The following PAPPA2 variants were observed in gnomAD, a reference collection of about 807,000 sequenced individuals.
PAPPA2 encodes pappalysin-2.
Under a neutral mutation model 176.4 loss-of-function variants are expected in PAPPA2, and 86 were observed. The observed-to-expected ratio is 0.49, with a 90% CI of 0.41 to 0.58. The LOEUF (loss-of-function observed/expected upper bound fraction) is 0.58, where lower values mean the gene tolerates loss of function less well. Among genes scored for constraint, PAPPA2 ranks in the 20% least tolerant of loss-of-function variants. The pLI is 0.00. For missense variants in PAPPA2, 2,073 were observed against 2,256.9 expected, an observed-to-expected ratio of 0.92 and a Z score of 1.65; for synonymous variants, 809 against 852.2, an observed-to-expected ratio of 0.95 and a Z score of 0.88.
chr1:176,610,194 T>G (rs1298985460), intron 3 of PAPPA2, among the ~76,000 whole-genome samples: 1 of 152,128 alleles, frequency 6.6e-6, no homozygotes, highest in African/African-American at 2.4e-5. Flanking sequence ...TGTTCAGGAA[T>G]GGCTATGTCT....
intron 17 of PAPPA2, among the ~76,000 whole-genome samples, chr1:176,786,077 G>A (rs1433235541): frequency 6.6e-6 from 1 of 152,156 alleles, no homozygotes; most frequent in African/African-American, 2.4e-5. Flanking sequence ...ATCTGTGGGA[G>A]GTGGTAGAAA....
intron 4 of PAPPA2, among the ~76,000 whole-genome samples, chr1:176,684,289 C>T (rs1291875318): frequency 6.6e-6 from 1 of 152,116 alleles, no homozygotes; most frequent in Non-Finnish European, 1.5e-5. Flanking sequence ...CATCCTTTTA[C>T]ACTAGTACTT....
chr1:176,467,302 G>A (rs1651670204), intron 1 of PAPPA2, among the ~76,000 whole-genome samples: 1 of 152,176 alleles, frequency 6.6e-6, no homozygotes, highest in Non-Finnish European at 1.5e-5. Context: ...ACGTTATGTG[G>A]CACATGATTG....
At chr1:176,496,252 T>C (rs1222489656) in intron 1 of PAPPA2, among the ~76,000 whole-genome samples, 1 of 152,148 alleles carries the variant, frequency 6.6e-6, no homozygotes, top group African/African-American at 2.4e-5. Context: ...TTAATATGGG[T>C]AGTAGCCATT....
At chr1:176,711,341 G>A (rs1006097292) in intron 11 of PAPPA2, among the ~76,000 whole-genome samples, 3 of 152,118 alleles carry the variant, frequency 2.0e-5, no homozygotes, top group African/African-American at 7.2e-5. Context: ...GGTAATGACC[G>A]CTCTCTGAAG....
intron 9 of PAPPA2, among the ~76,000 whole-genome samples, chr1:176,703,816 G>A (rs1016568516): frequency 6.6e-5 from 10 of 152,166 alleles, no homozygotes; most frequent in Admixed American, 1.3e-4. Context: ...CCTTGCTCAC[G>A]TGCTGTCCCT....
intron 1 of PAPPA2, among the ~76,000 whole-genome samples, chr1:176,551,723 G>A (rs1456413143): frequency 6.6e-6 from 1 of 152,146 alleles, no homozygotes; most frequent in Non-Finnish European, 1.5e-5. Context: ...TTGAAATGAA[G>A]TGCAGATGAT....
chr1:176,495,244 A>G (rs978267883), intron 1 of PAPPA2, among the ~76,000 whole-genome samples: 7 of 152,190 alleles, frequency 4.6e-5, no homozygotes, highest in African/African-American at 1.7e-4. Context: ...TTTATAAATC[A>G]GGAAACTATA....
At chr1:176,756,999 T>G (rs954571174) in intron 14 of PAPPA2, among the ~76,000 whole-genome samples, 2 of 152,178 alleles carry the variant, frequency 1.3e-5, no homozygotes, top group African/African-American at 4.8e-5. Flanking sequence ...AGAATGATGG[T>G]TTCCAGCTTC....
intron 17 of PAPPA2, among the ~76,000 whole-genome samples, chr1:176,788,170 G>A (rs545194089): frequency 6.6e-6 from 1 of 152,308 alleles, no homozygotes; most frequent in South Asian, 2.1e-4. Flanking sequence ...GTTAGTTTCA[G>A]TTCAATGATT....
intron 6 of PAPPA2, among the ~76,000 whole-genome samples, chr1:176,695,536 A>T (rs1660334207): frequency 6.6e-6 from 1 of 152,104 alleles, no homozygotes; most frequent in South Asian, 2.1e-4. Context: ...CATGATCTTG[A>T]AATTTTCATG....
In PAPPA2 at chr1:176,843,558, C is replaced by G. The variant is rs538819765; in HGVS notation, c.*1104C>G. The G allele has an allele frequency of 2.6e-5, 4 of 152,274 alleles. No homozygotes were observed. The highest frequency in any genetic ancestry group is 2.6e-4 in the Admixed American group (4 of 15,288). The allele number at this position is 152,274 out of a possible 1,614,324, so 9.4% of individuals were successfully genotyped here. On this transcript the variant is annotated 3_prime_UTR_variant, in exon 23 of 23. Transcript: ENST00000367662. ...CACCAGGATTACAGGAACTCACACA[C>G]TCCTCATACTTGGCCTGTAGTCCTA...
chr1:176,499,966 A>G (rs976600518), intron 1 of PAPPA2, among the ~76,000 whole-genome samples: 1 of 152,200 alleles, frequency 6.6e-6, no homozygotes, highest in Non-Finnish European at 1.5e-5. Flanking sequence ...TTTCAATAAT[A>G]AATGAGAACA....
chr1:176,724,285 T>C (rs1470727645), intron 12 of PAPPA2, among the ~76,000 whole-genome samples: 1 of 152,202 alleles, frequency 6.6e-6, no homozygotes, highest in Non-Finnish European at 1.5e-5. Context: ...TCACAGGATT[T>C]ATTAAATACT....
At chr1:176,569,979 T>C (rs76797150) in intron 2 of PAPPA2, among the ~76,000 whole-genome samples, 5,145 of 152,306 alleles carry the variant, frequency 0.034, 129 homozygotes, top group South Asian at 0.14. Flanking sequence ...AGACTAGGAA[T>C]TTGTCTCCTA....
rs148452461 is a variant in PAPPA2, at chr1:176,844,142, G to A, written c.*1688G>A. ...GAGCCAGTTTCTGTTTAACATTCTAGTTTTACTCATTTTAGGAAGGCTGTG... is the reference window on the plus strand; with the variant it reads ...GAGCCAGTTTCTGTTTAACATTCTAATTTTACTCATTTTAGGAAGGCTGTG... On this transcript the variant is annotated 3_prime_UTR_variant, in exon 23 of 23. Transcript: ENST00000367662. 1.5e-4 allele frequency: 21 copies of A among 138,196 alleles called. No homozygotes were observed. Among genetic ancestry groups the A allele is most frequent in the African/African-American group, 5.6e-4 (20 of 35,548 alleles). The allele number at this position is 138,196 out of a possible 1,614,324, so 8.6% of individuals were successfully genotyped here.
intron 1 of PAPPA2, among the ~76,000 whole-genome samples, chr1:176,528,551 C>A (rs1364729236): frequency 2.6e-5 from 4 of 152,172 alleles, no homozygotes. Flanking sequence ...CATAGTGGCC[C>A]CAAACACTGA....
chr1:176,733,971 C>T (rs1161503678), intron 12 of PAPPA2, among the ~76,000 whole-genome samples: 1 of 152,000 alleles, frequency 6.6e-6, no homozygotes, highest in Admixed American at 6.6e-5. Flanking sequence ...ATTGCCTGTC[C>T]ACTCCACCTC....
chr1:176,840,299 A>C (rs1351675085), intron 22 of PAPPA2, 28 bp downstream of exon 22: 7 of 1,562,324 alleles, frequency 4.5e-6, no homozygotes, highest in Non-Finnish European at 5.3e-6. Flanking sequence ...GGGATGGGGG[A>C]GGCAGTGGCT....
Sources: allele counts gnomAD v4.1 joint callset (sites outside exome capture counted in the v4.1 genomes callset), GRCh38; gene constraint gnomAD v4.1.1; transcripts MANE v1.5; gene names NCBI Gene and HGNC (gene_info 2026-07-23, HGNC 2026-07-21).